The following HDAC4 variants were observed in gnomAD, a reference collection of about 807,000 sequenced individuals.
HDAC4 encodes histone deacetylase 4, also known as histone deacetylase A.
A neutral mutation model predicts 135.1 loss-of-function variants in HDAC4; 16 were observed. The ratio of observed to expected loss-of-function variants is 0.12; its 90% confidence interval spans 0.08 to 0.18. The LOEUF is 0.18. Among genes scored for constraint, HDAC4 ranks in the 10% least tolerant of loss-of-function variants. The pLI is 1.00. For missense variants in HDAC4, 1,143 were observed against 1,511.8 expected, an observed-to-expected ratio of 0.76 and a Z score of 4.05; for synonymous variants, 685 against 653.4, an observed-to-expected ratio of 1.05 and a Z score of -0.74.
intron 2 of HDAC4, among the ~76,000 whole-genome samples, chr2:239,265,191 G>T (rs564942415): frequency 6.6e-6 from 1 of 152,178 alleles, no homozygotes. Context: ...GACAAGCAGG[G>T]CTCCCACATG....
chr2:239,097,625 G>A (rs981897741), intron 16 of HDAC4, among the ~76,000 whole-genome samples: 3 of 152,258 alleles, frequency 2.0e-5, no homozygotes, highest in East Asian at 1.9e-4. Flanking sequence ...CCTGCACGCC[G>A]GACCCCTTTG....
At position 239,240,726 on chromosome 2, in the gene HDAC4, A is replaced by T. The variant is rs1241581565; in HGVS notation, c.23-4062T>A. Among the ~76,000 whole-genome samples, 1 of 152,222 alleles carries T rather than the reference A, an allele frequency of 6.6e-6. No individual in the cohort carries two copies. Among genetic ancestry groups the T allele is most frequent in the African/African-American group, 2.4e-5 (1 of 41,458 alleles). On this transcript the variant is annotated intron_variant, in intron 2 of 26. Coordinates refer to ENST00000543185, the MANE Select transcript of HDAC4 (RefSeq NM_001378414.1). This position sits in a 1 kb window ranked among gnomAD's most constrained non-coding sequence, Gnocchi z 4.5. ...AGGAGCACGGGTACCTCGTGTCCTC[A>T]CCAGCACATGATGTGCCCCAGTGTG...
chr2:239,366,595 A>G (rs144046857), intron 1 of HDAC4, among the ~76,000 whole-genome samples: 2 of 152,366 alleles, frequency 1.3e-5, no homozygotes, highest in Admixed American at 6.5e-5. Context: ...AGGCATCCAG[A>G]TAAAACAAGA....
chr2:239,340,899 C>T (rs1469208103), intron 2 of HDAC4, among the ~76,000 whole-genome samples: 1 of 152,120 alleles, frequency 6.6e-6, no homozygotes, highest in Non-Finnish European at 1.5e-5. Flanking sequence ...GCAGTCACAC[C>T]CTAGTCCCTG....
chr2:239,187,968 C>T (rs2044664179), intron 4 of HDAC4, among the ~76,000 whole-genome samples: 1 of 152,212 alleles, frequency 6.6e-6, no homozygotes, highest in Non-Finnish European at 1.5e-5. Flanking sequence ...CATTAGCAGG[C>T]CCATGCATCT....
chr2:239,350,327 AATATT>A (rs886191994), intron 2 of HDAC4, among the ~76,000 whole-genome samples: 2 of 152,156 alleles, frequency 1.3e-5, no homozygotes, highest in Non-Finnish European at 2.9e-5. Flanking sequence ...ATGTAAAAAG[AATATT>A]ATAAGACTAT....
rs1436604436 is a variant in HDAC4 at position 239,048,572 on chromosome 2, G to GATAC, written c.*4524_*4525insGTAT. On this transcript the variant is annotated 3_prime_UTR_variant, in exon 27 of 27. Coordinates refer to ENST00000543185, the MANE Select transcript of HDAC4 (RefSeq NM_001378414.1). Reference sequence around the variant, plus strand: ...TTCAAGCCCCCTGTATAGATAGATAGATAGATAGATAGATAGATAGATTAT... The same window carrying GATAC: ...TTCAAGCCCCCTGTATAGATAGATAGATACATAGATAGATAGATAGATAGATTAT... 6.6e-6 allele frequency: 1 copy of GATAC among 151,826 alleles called. No individual in the cohort carries two copies. Among genetic ancestry groups the GATAC allele is most frequent in the Non-Finnish European group, 1.5e-5 (1 of 67,944 alleles). The allele number at this position is 151,826 out of a possible 1,614,324, so 9.4% of individuals were successfully genotyped here.
intron 1 of HDAC4, among the ~76,000 whole-genome samples, chr2:239,371,300 C>G (rs1694595769): frequency 6.6e-6 from 1 of 151,472 alleles, no homozygotes; most frequent in South Asian, 2.1e-4. Flanking sequence ...TATACACTCA[C>G]ACACACTCTC....
chr2:239,115,159 T>C lies in HDAC4; in HGVS notation c.1685A>G (p.Gln562Arg), dbSNP rs2152809590. ...GCTCTCAATGGGCTCCTGCTTCACC[T>C]GCACGCCGGCCTGTGCGTGCGCCTC... ...QKEAHAQAGVQVKQEPIESDE... is the reference protein window; with the variant it reads ...QKEAHAQAGVRVKQEPIESDE... Residue 562 changes from glutamine (Q) to arginine (R), a missense_variant, in exon 13 of 27, where the codon CAG (glutamine) becomes CGG (arginine). By Grantham distance (43) the Gln-to-Arg change is conservative (BLOSUM62 1). Transcript: ENST00000543185. The surrounding 1 kb of genome is among the most constrained non-coding windows in gnomAD (Gnocchi z 6.3). 6.2e-7 allele frequency: 1 copy of C among 1,611,406 alleles called. No homozygotes were observed. Among genetic ancestry groups the C allele is most frequent in the Non-Finnish European group, 8.5e-7 (1 of 1,179,940 alleles).
intron 2 of HDAC4, among the ~76,000 whole-genome samples, chr2:239,269,980 C>A (rs1170609210): frequency 1.5e-5 from 2 of 135,318 alleles, no homozygotes; most frequent in African/African-American, 6.4e-5. Flanking sequence ...TGACTTATCT[C>A]CCCGCCCCCC....
chr2:239,090,228 G>T, intron 17 of HDAC4, 112 bp from the exon 18 acceptor site: 2 of 754,008 alleles, frequency 2.7e-6, no homozygotes, highest in Non-Finnish European at 2.4e-6. Flanking sequence ...AAACCCCAGG[G>T]CCTACCAGAG....
At chr2:239,389,369 G>A (rs764482247) in intron 1 of HDAC4, among the ~76,000 whole-genome samples, 4 of 152,156 alleles carry the variant, frequency 2.6e-5, no homozygotes, top group Non-Finnish European at 4.4e-5. Context: ...AACACTTGCC[G>A]CGAAGGTCCG....
At chr2:239,318,100 G>A (rs979915519) in intron 2 of HDAC4, among the ~76,000 whole-genome samples, 2 of 152,168 alleles carry the variant, frequency 1.3e-5, no homozygotes, top group African/African-American at 2.4e-5. Context: ...CAATGATGCT[G>A]AGACTTGTGG....
intron 2 of HDAC4, among the ~76,000 whole-genome samples, chr2:239,243,489 T>C (rs1457248101): frequency 6.6e-6 from 1 of 151,746 alleles, no homozygotes. Context: ...TGGTGGGGGG[T>C]TGCTGACATA....
intron 1 of HDAC4, among the ~76,000 whole-genome samples, chr2:239,373,804 C>T (rs1694802373): frequency 6.6e-6 from 1 of 152,202 alleles, no homozygotes; most frequent in African/African-American, 2.4e-5. Flanking sequence ...CAAAAGTTGT[C>T]ATTTTTATTC....
At chr2:239,288,673 AC>A (rs138598674) in intron 2 of HDAC4, among the ~76,000 whole-genome samples, 5,903 of 152,238 alleles carry the variant, frequency 0.039, 137 homozygotes, top group East Asian at 0.083. Context: ...TAAAAAAAAA[AC>A]GTATTGTCTG....
intron 3 of HDAC4, among the ~76,000 whole-genome samples, chr2:239,196,042 T>A (rs2045357056): frequency 6.6e-6 from 1 of 152,166 alleles, no homozygotes; most frequent in East Asian, 1.9e-4. Context: ...AGTCAATGTT[T>A]AGGGTCTCTT....
At chr2:239,369,133 T>C (rs1036257476) in intron 1 of HDAC4, among the ~76,000 whole-genome samples, 10 of 152,026 alleles carry the variant, frequency 6.6e-5, no homozygotes, top group African/African-American at 2.4e-4. Flanking sequence ...AGACAGGCCC[T>C]CTCTGGTGAC....
At chr2:239,357,298 C>T (rs77244428) in intron 1 of HDAC4, among the ~76,000 whole-genome samples, 2,717 of 152,076 alleles carry the variant, frequency 0.018, 47 homozygotes, top group East Asian at 0.098. Context: ...AGTTAGAAAA[C>T]ATTTTGAAAC....
Sources: gnomAD v4.1 joint callset for allele counts (sites outside exome capture counted in the v4.1 genomes callset) on GRCh38, gnomAD v4.1.1 for gene constraint, Gnocchi (gnomAD v3.1) non-coding constraint, MANE v1.5 for transcripts, NCBI Gene and HGNC (gene_info 2026-07-23, HGNC 2026-07-21) for gene names.